Variants in PHGDH observed in about 807,000 individuals in gnomAD.
PHGDH encodes the protein D-3-phosphoglycerate dehydrogenase.
In PHGDH, 50 loss-of-function variants were observed where a neutral mutation model predicts 52.6. That is an observed-to-expected ratio of 0.95 (90% CI 0.76 to 1.20). The LOEUF (loss-of-function observed/expected upper bound fraction) is 1.20, where lower values mean the gene tolerates loss of function less well. Ranked by LOEUF, PHGDH falls within the 50% of genes most tolerant of loss-of-function variation. The pLI, the probability that PHGDH is intolerant of heterozygous loss-of-function variation, is 0.00. For synonymous variants in PHGDH, 271 were observed against 280.5 expected, an observed-to-expected ratio of 0.97 and a Z score of 0.34; for missense variants, 630 against 684.6, an observed-to-expected ratio of 0.92 and a Z score of 0.89.
At chr1:119,738,107 TAA>T (rs71791927) in intron 8 of PHGDH, among the ~76,000 whole-genome samples, 35,775 of 151,668 alleles carry the variant, frequency 0.24, 4,735 homozygotes, top group African/African-American at 0.35. Context: ...ACCTAAGTTC[TAA>T]GTTCCCTGAG....
At chr1:119,733,461 C>T (rs1371751058) in intron 5 of PHGDH, among the ~76,000 whole-genome samples, 1 of 151,000 alleles carries the variant, frequency 6.6e-6, no homozygotes, top group East Asian at 1.9e-4. Flanking sequence ...CTGCCTCAGC[C>T]TTCTGGGTGG....
intron 3 of PHGDH, chr1:119,726,556 A>G: frequency 1.9e-6 from 1 of 518,064 alleles, no homozygotes; most frequent in Admixed American, 3.2e-5. Flanking sequence ...GCGATCGCTT[A>G]AAGTAAAAAA....
intron 8 of PHGDH, among the ~76,000 whole-genome samples, chr1:119,737,499 G>A (rs587667016): frequency 2.6e-5 from 4 of 152,320 alleles, no homozygotes; most frequent in East Asian, 1.9e-4. Context: ...CTGTTATATC[G>A]TAGTCTTGCT....
At chr1:119,722,373 A>C (rs587747087) in intron 2 of PHGDH, among the ~76,000 whole-genome samples, 1 of 152,326 alleles carries the variant, frequency 6.6e-6, no homozygotes, top group South Asian at 2.1e-4. Flanking sequence ...CAGTAGGGGA[A>C]TAATCAGGGT....
chr1:119,712,099 G>A lies in PHGDH; in HGVS notation c.77G>A (p.Gly26Glu), dbSNP rs1650720374. The part of the protein sequence containing the change: ...DPCCRKILQD[G>E]GLQVVEKQNL... ...TGCTGCCGGAAGATCTTGCAAGATG[G>A]AGGGCTGCAGGTGGTGGAAAAGCAG... Residue 26 changes from glycine (G) to glutamate (E), a missense_variant, in exon 1 of 12, where the codon GGA (glycine) becomes GAA (glutamate). Physicochemically the swap from Gly to Glu is moderately conservative, Grantham distance 98. Coordinates refer to ENST00000641023, the MANE Select transcript of PHGDH (RefSeq NM_006623.4). 6.2e-7 allele frequency: 1 copy of A among 1,614,104 alleles called. No homozygotes were observed.
At chr1:119,718,269 C>G (rs1651013843) in intron 1 of PHGDH, among the ~76,000 whole-genome samples, 1 of 152,200 alleles carries the variant, frequency 6.6e-6, no homozygotes, top group Admixed American at 6.5e-5. Flanking sequence ...TCTGCCATAT[C>G]CTAGCTATGT....
At chr1:119,727,801 T>A (rs1651505587) in intron 5 of PHGDH, 1 of 152,718 alleles carries the variant, frequency 6.5e-6, no homozygotes, top group East Asian at 1.9e-4. Context: ...GCCACTGCAC[T>A]CCAGCCTGGG....
intron 10 of PHGDH, 89 bp from the exon 11 acceptor site, chr1:119,742,718 C>T: frequency 6.1e-6 from 5 of 821,230 alleles, no homozygotes; most frequent in South Asian, 4.3e-5. Context: ...TGGAGCCCTA[C>T]ATCCTACCAA....
chr1:119,717,232 CAAAAAAAAAAAAA>C (rs58549149), intron 1 of PHGDH, among the ~76,000 whole-genome samples: 8 of 37,352 alleles, frequency 2.1e-4, no homozygotes, highest in East Asian at 1.9e-3. Flanking sequence ...AACTCTGTCT[CAAAAAAAAAAAAA>C]AAAAAAAAAA....
At chr1:119,734,514 A>G (rs1651843761) in intron 5 of PHGDH, 120 bp from the exon 6 acceptor site, 3 of 946,788 alleles carry the variant, frequency 3.2e-6, no homozygotes, top group South Asian at 2.6e-5. Flanking sequence ...TGGAGAATTA[A>G]TTAAGCTGAG....
chr1:119,735,173 T>C (rs892492023), intron 6 of PHGDH, 122 bp from the exon 7 acceptor site: 3 of 1,311,890 alleles, frequency 2.3e-6, no homozygotes, highest in Non-Finnish European at 3.3e-6. Flanking sequence ...GAGGCTGCCG[T>C]CCAGCAGGAG....
chr1:119,734,180 T>G (rs587601203), intron 5 of PHGDH: 1 of 292,942 alleles, frequency 3.4e-6, no homozygotes, highest in Non-Finnish European at 6.6e-6. Flanking sequence ...CTTTCCTGGC[T>G]GTCCGCTCCC....
intron 5 of PHGDH, chr1:119,727,307 G>T (rs1442956226): frequency 8.3e-6 from 5 of 605,640 alleles, no homozygotes; most frequent in Non-Finnish European, 1.5e-5. Context: ...CTTGGTGGGG[G>T]TCCTTTAGCT....
rs190555167 is a variant in PHGDH at position 119,741,944 on chromosome 1, G to C, written c.1209+47G>C. The C allele has an allele frequency of 3.0e-4, 455 of 1,529,260 alleles. 4 individuals carry two copies. The African/African-American group carries it at 5.6e-3, about 19-fold the overall frequency. 94.7% of individuals were successfully genotyped at this position (1,529,260 alleles called of 1,614,324 possible). A position where few individuals can be genotyped will look rare whatever the true frequency, so the allele number is the denominator to read the frequency against. ...TGCCTCCCCATCCCTGTCAGCACTAGTCTTCTCCCCCACATTTCCAGAGCC... is the reference window on the plus strand; with the variant it reads ...TGCCTCCCCATCCCTGTCAGCACTACTCTTCTCCCCCACATTTCCAGAGCC... On this transcript the variant is annotated intron_variant, in intron 10 of 11. Coordinates refer to ENST00000641023, the MANE Select transcript of PHGDH (RefSeq NM_006623.4).
At position 119,744,162 on chromosome 1, in the gene PHGDH, G is replaced by A; in HGVS notation, c.*122G>A. ...GCGGGCCTCTGACACTGCTTACACT[G>A]CACTCTGACCCTGTAGTACAGCAAT... On this transcript the variant is annotated 3_prime_UTR_variant, in exon 12 of 12. Coordinates refer to ENST00000641023, the MANE Select transcript of PHGDH (RefSeq NM_006623.4). 1 of 862,280 alleles carries A rather than the reference G, an allele frequency of 1.2e-6. No individual in the cohort carries two copies. The highest frequency in any genetic ancestry group is 2.0e-6 in the Non-Finnish European group (1 of 507,288). 53.4% of individuals were successfully genotyped at this position (862,280 alleles called of 1,614,324 possible). A position where few individuals can be genotyped will look rare whatever the true frequency, so the allele number is the denominator to read the frequency against.
At chr1:119,724,158 G>A (rs974821734) in intron 3 of PHGDH, among the ~76,000 whole-genome samples, 6 of 152,174 alleles carry the variant, frequency 3.9e-5, no homozygotes, top group African/African-American at 7.2e-5. Context: ...ATTGCATGGA[G>A]CACTTCTGTT....
intron 5 of PHGDH, among the ~76,000 whole-genome samples, chr1:119,731,507 T>C (rs10923895): frequency 0.13 from 19,123 of 152,224 alleles, 3,107 homozygotes; most frequent in African/African-American, 0.38. Flanking sequence ...AATCCAACTT[T>C]AGCCCAGAGG....
At chr1:119,726,648 C>T (rs746042536) in intron 3 of PHGDH, 2 of 621,172 alleles carry the variant, frequency 3.2e-6, no homozygotes, top group Non-Finnish European at 5.8e-6. Flanking sequence ...AAATCCCAGG[C>T]TTTCTAAGTC....
At position 119,726,923 on chromosome 1, in the gene PHGDH, C is replaced by A; in HGVS notation, c.411+18C>A. On this transcript the variant is annotated intron_variant, in intron 4 of 11. Coordinates refer to ENST00000641023, the MANE Select transcript of PHGDH (RefSeq NM_006623.4). ...GGAAGAAGGTGAGCAGCGGCCTTGA[C>A]TCGCCCCACCTGGGCTCAGGGCCCG... 1 of 1,613,262 alleles carries A rather than the reference C, an allele frequency of 6.2e-7. No individual in the cohort carries two copies. Among genetic ancestry groups the A allele is most frequent in the South Asian group, 1.1e-5 (1 of 91,076 alleles).
Sources: allele counts gnomAD v4.1 joint callset (sites outside exome capture counted in the v4.1 genomes callset), GRCh38; gene constraint gnomAD v4.1.1; transcripts MANE v1.5; gene names NCBI Gene and HGNC (gene_info 2026-07-23, HGNC 2026-07-21).